The following BAZ2B variants were observed in gnomAD, a reference collection of about 807,000 sequenced individuals.
The protein encoded by BAZ2B is bromodomain adjacent to zinc finger domain 2B, also known as bromodomain adjacent to zinc finger domain protein 2B.
BAZ2B carries 91 observed loss-of-function variants against 246.0 expected under a neutral mutation model. The ratio of observed to expected loss-of-function variants is 0.37; its 90% CI spans 0.31 to 0.44. BAZ2B has a LOEUF of 0.44. BAZ2B is among the 20% of genes least tolerant of loss of function. The probability of loss-of-function intolerance (pLI) is 1.00; values close to 1 mark genes in which losing one functional copy is unlikely to be tolerated. For synonymous variants in BAZ2B, 855 were observed against 860.0 expected (o/e 0.99, Z 0.10); for missense variants, 2,332 against 2,533.7 (o/e 0.92, Z 1.71).
intron 34 of BAZ2B, among the ~76,000 whole-genome samples, chr2:159,326,726 A>C (rs1352549165): frequency 6.6e-6 from 1 of 152,220 alleles, no homozygotes; most frequent in Non-Finnish European, 1.5e-5. Context: ...CTAGAATTAC[A>C]TGCAAAAAAG....
intron 1 of BAZ2B, among the ~76,000 whole-genome samples, chr2:159,592,556 ACT>A (rs1245043564): frequency 2.6e-5 from 4 of 152,184 alleles, no homozygotes; most frequent in East Asian, 3.9e-4. Context: ...CTAAAAAGAG[ACT>A]CTGTCTCTCT....
In BAZ2B at chr2:159,345,291, T is replaced by C. The variant is rs2067592854; in HGVS notation, c.5454+2195A>G. Among the ~76,000 whole-genome samples the C allele has an allele frequency of 1.3e-5, 2 of 151,950 alleles. 1 individual carries two copies. The highest frequency in any genetic ancestry group is 4.2e-4 in the South Asian group (2 of 4,810). ...GCTCTATACCACTGTACGATGACTATAGTTAATAATATATATTGTTTCAAG... is the reference window on the plus strand; with the variant it reads ...GCTCTATACCACTGTACGATGACTACAGTTAATAATATATATTGTTTCAAG... On this transcript the variant is annotated intron_variant, in intron 31 of 36. Transcript: ENST00000392783.
At chr2:159,700,849 A>T in the BAZ2B span, among the ~76,000 whole-genome samples, 1 of 152,070 alleles carries the variant, frequency 6.6e-6, no homozygotes, top group South Asian at 2.1e-4. Flanking sequence ...ATCTAACTTA[A>T]GTTCCATTTA....
chr2:159,383,788 T>C, intron 23 of BAZ2B, 108 bp from the exon 24 acceptor site: 2 of 899,738 alleles, frequency 2.2e-6, no homozygotes, highest in East Asian at 2.7e-5. Context: ...TTTGAATAAG[T>C]AAAAATGATA....
chr2:159,337,463 C>T (rs893694747), intron 32 of BAZ2B, 104 bp downstream of exon 32: 5 of 1,604,132 alleles, frequency 3.1e-6, no homozygotes, highest in Non-Finnish European at 4.2e-6. Context: ...ATAACCTACC[C>T]GTCACCATCA....
chr2:159,709,145 G>A, the BAZ2B span, among the ~76,000 whole-genome samples: 12 of 147,612 alleles, frequency 8.1e-5, no homozygotes, highest in African/African-American at 5.0e-5. Context: ...GATAAAAAAA[G>A]AAAAAAAAAA....
chr2:159,706,660 A>C, the BAZ2B span, among the ~76,000 whole-genome samples: 1 of 152,222 alleles, frequency 6.6e-6, no homozygotes, highest in African/African-American at 2.4e-5. Context: ...TTCCTGTACT[A>C]AATATTTTAG....
chr2:159,712,157 G>A, the BAZ2B span: 1 of 152,024 alleles, frequency 6.6e-6, no homozygotes, highest in African/African-American at 2.4e-5. Flanking sequence ...CCTGCAGGTG[G>A]GCCTGTGGGC....
chr2:159,325,110 ATATATTTTATATATATATATATATATAT>A (rs2063453208), intron 35 of BAZ2B, among the ~76,000 whole-genome samples, 156 bp from the exon 36 acceptor site: 8 of 5,630 alleles, frequency 1.4e-3, no homozygotes, highest in African/African-American at 6.5e-3. Flanking sequence ...ATATATATAT[ATATATTTTATATATATATATATATATAT>A]ATATATATAT....
the BAZ2B span, among the ~76,000 whole-genome samples, chr2:159,688,936 A>G: frequency 1.4e-4 from 22 of 152,172 alleles, no homozygotes; most frequent in Non-Finnish European, 2.5e-4. Context: ...AACTTTCACA[A>G]CTTGGTAAAG....
chr2:159,346,703 A>AAAAACAC (rs921583716), intron 31 of BAZ2B, among the ~76,000 whole-genome samples: 16 of 152,138 alleles, frequency 1.1e-4, no homozygotes, highest in Admixed American at 9.8e-4. Context: ...ACAAAAAACA[A>AAAAACAC]AAAAACAAAA....
the BAZ2B span, among the ~76,000 whole-genome samples, chr2:159,661,185 C>T: frequency 6.6e-6 from 1 of 152,144 alleles, no homozygotes; most frequent in Non-Finnish European, 1.5e-5. Context: ...TAAATGAAAT[C>T]ATATAGTATG....
At chr2:159,321,038 T>C (rs986688376) in intron 36 of BAZ2B, among the ~76,000 whole-genome samples, 1 of 152,164 alleles carries the variant, frequency 6.6e-6, no homozygotes, top group Admixed American at 6.5e-5. Flanking sequence ...ATTATGAGGG[T>C]CTGTCTTTCA....
At position 159,385,447 on chromosome 2, in the gene BAZ2B, T is replaced by A. The variant is rs1177399057; in HGVS notation, c.3472-78A>T. The stretch of plus-strand genomic sequence containing the variant: ...AAAACAATAAGATTAAAAATCCTCA[T>A]ATTATTTGATTTAGATACTACTGAC... On this transcript the variant is annotated intron_variant, in intron 22 of 36. Transcript: ENST00000392783. 3.8e-6 allele frequency: 5 copies of A among 1,316,182 alleles called. No individual in the cohort carries two copies. In the East Asian group the frequency reaches 9.7e-5, roughly 25 times the overall value. The allele number at this position is 1,316,182 out of a possible 1,614,324, so 81.5% of individuals were successfully genotyped here. A position where few individuals can be genotyped will look rare whatever the true frequency, so the allele number is the denominator to read the frequency against.
chr2:159,411,499 A>T (rs1355840219), intron 14 of BAZ2B, among the ~76,000 whole-genome samples: 1 of 152,208 alleles, frequency 6.6e-6, no homozygotes, highest in Non-Finnish European at 1.5e-5. Flanking sequence ...ATTCTGTTAG[A>T]TTTTTAAGTC....
rs778395615 is a variant in BAZ2B at position 159,325,930 on chromosome 2, A to G, written c.5944-12T>C. 1.3e-6 allele frequency: 2 copies of G among 1,562,682 alleles called. No individual in the cohort carries two copies. The highest frequency in any genetic ancestry group is 4.3e-5 in the Admixed American group (2 of 46,484). ...GTTTGACCACTTGCCTTTAATTTAA[A>G]AAAAAAGTAAATGAGGTGTAAGAAA... On this transcript the variant is annotated splice_polypyrimidine_tract_variant and intron_variant, in intron 34 of 36. Coordinates refer to ENST00000392783, the MANE Select transcript of BAZ2B (RefSeq NM_013450.4).
chr2:159,574,952 A>G (rs1057362619), intron 1 of BAZ2B, among the ~76,000 whole-genome samples: 1 of 152,178 alleles, frequency 6.6e-6, no homozygotes, highest in Admixed American at 6.5e-5. Flanking sequence ...CCTGGGTAAC[A>G]CAGCAAGACT....
At chr2:159,366,786 T>C (rs2060263333) in intron 27 of BAZ2B, among the ~76,000 whole-genome samples, 1 of 152,228 alleles carries the variant, frequency 6.6e-6, no homozygotes, top group Admixed American at 6.5e-5. Flanking sequence ...GTATATTGTT[T>C]GTTTTAGAAT....
At chr2:159,353,323 C>T (rs1483284725) in intron 27 of BAZ2B, among the ~76,000 whole-genome samples, 2 of 152,218 alleles carry the variant, frequency 1.3e-5, no homozygotes, top group Non-Finnish European at 2.9e-5. Context: ...AGATAAAATA[C>T]ATGAAACAAC....
Sources: gnomAD v4.1 joint callset for allele counts (sites outside exome capture counted in the v4.1 genomes callset) on GRCh38, gnomAD v4.1.1 for gene constraint, MANE v1.5 for transcripts, NCBI Gene and HGNC (gene_info 2026-07-23, HGNC 2026-07-21) for gene names.